Variants in GK5 observed in about 807,000 individuals in gnomAD.
The protein encoded by GK5 is ATP:glycerol 3-phosphotransferase 5.
A neutral mutation model predicts 77.3 loss-of-function variants in GK5; 39 were observed. The ratio of observed to expected loss-of-function variants is 0.50; its 90% CI spans 0.39 to 0.66. GK5 has a LOEUF of 0.66. Among genes scored for constraint, GK5 ranks in the 30% least tolerant of loss-of-function variants. The probability of loss-of-function intolerance (pLI) is 0.00; values close to 1 mark genes in which losing one functional copy is unlikely to be tolerated. For synonymous variants in GK5, 211 were observed against 208.0 expected (o/e 1.01, Z -0.13); for missense variants, 487 against 633.8 (o/e 0.77, Z 2.49).
chr3:142,176,828 A>G (rs2063620025), intron 12 of GK5, among the ~76,000 whole-genome samples: 1 of 151,826 alleles, frequency 6.6e-6, no homozygotes, highest in African/African-American at 2.4e-5. Flanking sequence ...TGCATGGCTA[A>G]TTTTTTGCAT....
intron 3 of GK5, among the ~76,000 whole-genome samples, chr3:142,209,443 T>C (rs950454211): frequency 6.6e-6 from 1 of 151,978 alleles, no homozygotes; most frequent in Non-Finnish European, 1.5e-5. Flanking sequence ...AACAAGACAA[T>C]CTAGAATACT....
intron 4 of GK5, among the ~76,000 whole-genome samples, chr3:142,199,202 C>A (rs574093857): frequency 6.6e-6 from 1 of 151,782 alleles, no homozygotes; most frequent in Admixed American, 6.6e-5. Flanking sequence ...TAAAAAAAAA[C>A]AACTATATTT....
chr3:142,203,006 AT>A, intron 4 of GK5, among the ~76,000 whole-genome samples: 1 of 152,176 alleles, frequency 6.6e-6, no homozygotes. Context: ...TCAAATCACA[AT>A]TTTTTTCAAA....
chr3:142,181,309 C>T (rs2063694426), intron 11 of GK5, 152 bp downstream of exon 11: 2 of 487,586 alleles, frequency 4.1e-6, no homozygotes, highest in East Asian at 6.7e-5. Context: ...ATTTCGATAT[C>T]ATAAAAATAC....
At chr3:142,192,708 G>A (rs1048851859) in intron 5 of GK5, among the ~76,000 whole-genome samples, 2 of 150,792 alleles carry the variant, frequency 1.3e-5, no homozygotes, top group Non-Finnish European at 2.9e-5. Flanking sequence ...AGGTTGCAGT[G>A]AGCTGAGATC....
At chr3:142,213,400 A>T (rs1360490162) in intron 3 of GK5, 126 bp downstream of exon 3, 3 of 662,262 alleles carry the variant, frequency 4.5e-6, no homozygotes, top group Non-Finnish European at 8.3e-6. Context: ...GGCACATTTC[A>T]TCCCTCTTAA....
At position 142,172,389 on chromosome 3, in the gene GK5, T is replaced by C. The variant is rs1298080493; in HGVS notation, c.1211A>G (p.His404Arg). The C allele has an allele frequency of 6.2e-7, 1 of 1,603,536 alleles. No homozygotes were observed. Among genetic ancestry groups the C allele is most frequent in the Non-Finnish European group, 8.5e-7 (1 of 1,173,094 alleles). The change falls in exon 13 of 16, where the codon CAT becomes CGT. Residue 404 changes from histidine (H) to arginine (R), a missense_variant. Physicochemically the swap from His to Arg is conservative, Grantham distance 29 (BLOSUM62 0). This residue lies in a region of GK5 where 323 missense variants were observed against 437.4 expected (regional missense o/e 0.74). Transcript: ENST00000392993. ...MGLKPSTSKY[H>R]LVRAILESIA... ...TGACTCCAATATTGCTCGTACAAGA[T>C]GGTATTTACTGGTAGAAGGCTTCAA...
At chr3:142,198,086 A>G (rs2063962417) in intron 5 of GK5, among the ~76,000 whole-genome samples, 1 of 152,158 alleles carries the variant, frequency 6.6e-6, no homozygotes, top group Non-Finnish European at 1.5e-5. Context: ...ATTCCTATGT[A>G]TAGACATAGC....
intron 5 of GK5, among the ~76,000 whole-genome samples, chr3:142,196,965 A>C (rs769588046): frequency 6.6e-6 from 1 of 152,150 alleles, no homozygotes. Context: ...AGGCAGGTGG[A>C]TCACGAGGTC....
chr3:142,195,154 T>C (rs973326169), intron 5 of GK5, among the ~76,000 whole-genome samples: 1 of 152,126 alleles, frequency 6.6e-6, no homozygotes, highest in Non-Finnish European at 1.5e-5. Context: ...ATTCTATTAA[T>C]ATGGTGTATA....
rs2063404691 is a variant in GK5 at position 142,159,222 on chromosome 3, T to A, written c.*6400A>T. On this transcript the variant is annotated 3_prime_UTR_variant, in exon 16 of 16. Transcript: ENST00000392993. ...AATAAGAAATAGTGACAACACCAAA[T>A]GCTGGCGAGCATGCAGAGAAACTGG... is the stretch of plus-strand genomic sequence containing the variant. 1 of 152,110 alleles carries A rather than the reference T, an allele frequency of 6.6e-6. No individual in the cohort carries two copies. The highest frequency in any genetic ancestry group is 2.4e-5 in the African/African-American group (1 of 41,440). The allele number at this position is 152,110 out of a possible 1,614,324, so 9.4% of individuals were successfully genotyped here.
intron 9 of GK5, chr3:142,185,652 T>G: frequency 8.2e-7 from 1 of 1,222,076 alleles, no homozygotes; most frequent in Non-Finnish European, 1.0e-6. Flanking sequence ...TAAAAAAAAT[T>G]TTTTTTAATT....
Position 142,172,353 on chromosome 3 carries a change from C to A in GK5, c.1247G>T (p.Arg416Ile). The change falls in exon 13 of 16, where the codon AGA becomes ATA. Residue 416 changes from arginine (R) to isoleucine (I), a missense_variant and splice_region_variant. Around this residue, in one of 4 missense-constraint regions of GK5, gnomAD observed 323 missense variants for 437.4 expected, o/e 0.74. Coordinates refer to ENST00000392993, the MANE Select transcript of GK5 (RefSeq NM_001039547.3). ...VRAILESIAF[R>I]NKQLYEMMKK... ...GGAAGTTTAGGGCAGGTTTTCATAC[C>A]TGAAAGCTATTGACTCCAATATTGC... The A allele has an allele frequency of 6.5e-7, 1 of 1,543,256 alleles. No homozygotes were observed. Among genetic ancestry groups the A allele is most frequent in the South Asian group, 1.2e-5 (1 of 83,794 alleles).
intron 3 of GK5, among the ~76,000 whole-genome samples, chr3:142,207,284 G>A (rs1057024835): frequency 7.9e-5 from 12 of 152,100 alleles, no homozygotes; most frequent in Non-Finnish European, 7.4e-5. Flanking sequence ...ATCTTGCCAC[G>A]GCTCTTCTAG....
intron 10 of GK5, among the ~76,000 whole-genome samples, chr3:142,181,817 C>T (rs552497488): frequency 6.6e-6 from 1 of 152,244 alleles, no homozygotes; most frequent in Non-Finnish European, 1.5e-5. Context: ...TGAATTAACA[C>T]ATAAAAAGAA....
Position 142,161,285 on chromosome 3 carries a change from T to A in GK5, c.*4337A>T, listed in dbSNP as rs1560204908. On this transcript the variant is annotated 3_prime_UTR_variant, in exon 16 of 16. Coordinates refer to ENST00000392993, the MANE Select transcript of GK5 (RefSeq NM_001039547.3). ...ACAGCTAATTTTTTTGTAGTTTTAA[T>A]AGAGATGGGGTTTCTCCATGTTGGT... The A allele has an allele frequency of 6.6e-6, 1 of 152,128 alleles. No individual in the cohort carries two copies. Among genetic ancestry groups the A allele is most frequent in the Non-Finnish European group, 1.5e-5 (1 of 68,062 alleles). 9.4% of individuals were successfully genotyped at this position (152,128 alleles called of 1,614,324 possible).
chr3:142,225,550 C>T lies in GK5; in HGVS notation c.-95G>A, dbSNP rs1036819226. ...AGTCCCCGGGCGGCCCAACCCGGGC[C>T]CCAACCCGGCTCAGCCGGAGAGCCT... is the stretch of plus-strand genomic sequence containing the variant. On this transcript the variant is annotated 5_prime_UTR_variant, in exon 1 of 16. Transcript: ENST00000392993. The T allele has an allele frequency of 6.9e-7, 1 of 1,449,832 alleles. No individual in the cohort carries two copies. Among genetic ancestry groups the T allele is most frequent in the South Asian group, 1.3e-5 (1 of 79,084 alleles). 89.8% of individuals were successfully genotyped at this position (1,449,832 alleles called of 1,614,324 possible).
rs569465593 is a variant in GK5, at chr3:142,180,237, C to T, written c.1048+1224G>A. On this transcript the variant is annotated intron_variant, in intron 11 of 15. Transcript: ENST00000392993. ...GTGGCTGCAGTGACAGCAGACAGAG[C>T]AGCAGAGGCAACCAAAACTCAAAGA... 2.6e-5 allele frequency among the ~76,000 whole-genome samples: 4 copies of T among 152,286 alleles called. No homozygotes were observed. The South Asian group carries it at 8.3e-4, about 32-fold the overall frequency.
chr3:142,207,548 G>A (rs948710457), intron 3 of GK5, among the ~76,000 whole-genome samples: 3 of 152,118 alleles, frequency 2.0e-5, no homozygotes, highest in African/African-American at 7.2e-5. Context: ...CAAATGTACT[G>A]TACTTCTACA....
Sources: gnomAD v4.1 joint callset for allele counts (sites outside exome capture counted in the v4.1 genomes callset) on GRCh38, gnomAD v4.1.1 for gene constraint, gnomAD v4.1.1 regional missense constraint, MANE v1.5 for transcripts, NCBI Gene and HGNC (gene_info 2026-07-23, HGNC 2026-07-21) for gene names.